The following RAE1 variants were observed in gnomAD, a reference collection of about 807,000 sequenced individuals.
RAE1 encodes mRNA export factor RAE1.
Under a neutral mutation model 52.7 loss-of-function variants are expected in RAE1, and 13 were observed. The observed-to-expected ratio is 0.25, with a 90% CI of 0.16 to 0.39. The LOEUF (loss-of-function observed/expected upper bound fraction) is 0.39, where lower values mean the gene tolerates loss of function less well. Ranked by LOEUF, RAE1 falls within the 10% of genes least tolerant of loss-of-function variation. The pLI is 1.00. For synonymous variants in RAE1, 164 were observed against 153.1 expected (o/e 1.07, Z -0.52); for missense variants, 262 against 459.8 (o/e 0.57, Z 3.93).
At chr20:57,374,927 C>T (rs1231332417) in intron 11 of RAE1, 126 bp downstream of exon 11, 2 of 1,055,022 alleles carry the variant, frequency 1.9e-6, no homozygotes, top group Admixed American at 1.9e-5. Flanking sequence ...GGTCACCGTC[C>T]CCTCCCTGTA....
chr20:57,377,914 T>TTTA, intron 11 of RAE1, 99 bp from the exon 12 acceptor site: 1 of 782,184 alleles, frequency 1.3e-6, no homozygotes, highest in South Asian at 1.9e-5. Context: ...GATTATATGT[T>TTTA]TCCAGTATTG....
chr20:57,354,921 T>C, intron 3 of RAE1, 105 bp downstream of exon 3: 1 of 804,838 alleles, frequency 1.2e-6, no homozygotes, highest in Non-Finnish European at 1.9e-6. Flanking sequence ...TTGGACTTAT[T>C]TATGGCCTTT....
chr20:57,365,510 A>G, intron 5 of RAE1, 68 bp downstream of exon 5: 17 of 1,081,562 alleles, frequency 1.6e-5, no homozygotes, highest in Non-Finnish European at 2.3e-5. Flanking sequence ...TCTTTAAGTG[A>G]AATAATTATT....
chr20:57,376,850 TGTA>T (rs1489699202), intron 11 of RAE1, among the ~76,000 whole-genome samples: 2 of 152,202 alleles, frequency 1.3e-5, no homozygotes. Flanking sequence ...CGTTAAAAAA[TGTA>T]GTAAATTGAA....
intron 3 of RAE1, among the ~76,000 whole-genome samples, chr20:57,355,232 AAAAG>A (rs1324615504): frequency 6.6e-6 from 1 of 152,160 alleles, no homozygotes; most frequent in Non-Finnish European, 1.5e-5. Context: ...ATCATGTACA[AAAAG>A]AAAGACAAAA....
chr20:57,362,686 G>A (rs2066906505), intron 4 of RAE1, among the ~76,000 whole-genome samples: 1 of 152,216 alleles, frequency 6.6e-6, no homozygotes, highest in African/African-American at 2.4e-5. Flanking sequence ...GGGGAGGCAG[G>A]ATGAACTGGT....
chr20:57,370,929 C>T (rs142133502), intron 8 of RAE1, among the ~76,000 whole-genome samples: 211 of 152,306 alleles, frequency 1.4e-3, no homozygotes, highest in Non-Finnish European at 2.6e-3. Context: ...TCCTGATGTG[C>T]TTCACAGCCC....
chr20:57,367,442 A>T (rs923771840), intron 7 of RAE1, among the ~76,000 whole-genome samples: 7 of 152,128 alleles, frequency 4.6e-5, no homozygotes, highest in Admixed American at 3.9e-4. Context: ...TCTGAGTGGG[A>T]TAGAAATTGA....
rs2066904352 is a variant in RAE1 at position 57,362,514 on chromosome 20, G to A, written c.289-2842G>A. 3.9e-5 allele frequency among the ~76,000 whole-genome samples: 6 copies of A among 152,344 alleles called. No individual in the cohort carries two copies. The South Asian group carries it at 1.2e-3, about 32-fold the overall frequency. ...CTGATCGGGCAACGGGTCAGAATTA[G>A]AAAGTTTCTTATAAAGTACGGCAAG... On this transcript the variant is annotated intron_variant, in intron 4 of 11. Coordinates refer to ENST00000395841, the MANE Select transcript of RAE1 (RefSeq NM_003610.4).
intron 5 of RAE1, among the ~76,000 whole-genome samples, chr20:57,365,961 C>CT (rs2146156891): frequency 1.3e-5 from 2 of 152,342 alleles, no homozygotes; most frequent in Non-Finnish European, 2.9e-5. Context: ...GATAAGAGAA[C>CT]TTAGAACCAG....
rs111656619 is a variant in RAE1, at chr20:57,366,984, C to G, written c.463-24C>G. 27 of 1,597,656 alleles carry G rather than the reference C, an allele frequency of 1.7e-5. No individual in the cohort carries two copies. The African/African-American group carries it at 1.9e-4, about 11-fold the overall frequency. On this transcript the variant is annotated intron_variant, in intron 6 of 11. Transcript: ENST00000395841. ...GACTTCTGCTCTGAATGGTCACATA[C>G]TGGCTTCTCTTTTTTGCTTTTAGTT...
At chr20:57,369,931 G>A (rs990050109) in intron 8 of RAE1, among the ~76,000 whole-genome samples, 1 of 152,094 alleles carries the variant, frequency 6.6e-6, no homozygotes, top group Non-Finnish European at 1.5e-5. Context: ...TCCTGCTAAG[G>A]CCAGTTTTGT....
chr20:57,359,120 A>G, intron 4 of RAE1: 1 of 1,004,972 alleles, frequency 1.0e-6, no homozygotes, highest in Non-Finnish European at 1.4e-6. Context: ...AATATATGTC[A>G]CTGGGCAGAT....
At chr20:57,366,726 C>G in intron 5 of RAE1, 81 bp from the exon 6 acceptor site, 1 of 1,317,362 alleles carries the variant, frequency 7.6e-7, no homozygotes, top group Non-Finnish European at 1.1e-6. Flanking sequence ...TTAGTTTCTT[C>G]CCTTTGAATT....
In RAE1 at chr20:57,354,083, C is replaced by T; in HGVS notation, c.45C>T (p.Thr15=). Residue 15 remains threonine (T), a synonymous_variant, in exon 2 of 12, where the codon ACC becomes ACT. Coordinates refer to ENST00000395841, the MANE Select transcript of RAE1 (RefSeq NM_003610.4). ...CCTCAGGTTTTGGAACCAGTGGGACCAGCATGTTTGGCAGTGCAACTACAG... is the reference window on the plus strand; with the variant it reads ...CCTCAGGTTTTGGAACCAGTGGGACTAGCATGTTTGGCAGTGCAACTACAG... The part of the protein sequence containing the change: ...GTTSGFGTSG[T]SMFGSATTDN... 1 of 1,614,004 alleles carries T rather than the reference C, an allele frequency of 6.2e-7. No homozygotes were observed. Among genetic ancestry groups the T allele is most frequent in the Non-Finnish European group, 8.5e-7 (1 of 1,179,926 alleles).
intron 3 of RAE1, 51 bp downstream of exon 3, chr20:57,354,867 C>A (rs1452806251): frequency 1.4e-6 from 2 of 1,379,552 alleles, no homozygotes; most frequent in Admixed American, 4.4e-5. Flanking sequence ...TTTGTATGGC[C>A]AAGGTTAGCT....
Position 57,374,738 on chromosome 20 carries a change from A to T in RAE1, c.957A>T (p.Ser319=), listed in dbSNP as rs556785082. Residue 319 remains serine (S), a synonymous_variant, in exon 11 of 12, where the codon TCA becomes TCT. Transcript: ENST00000395841. ...KTSEQLDQPI[S]ACCFNHNGNI... ...CGGAACAGTTAGATCAGCCCATCTC[A>T]GCTTGCTGTTTCAATCACAATGGAA... 5.0e-6 allele frequency: 8 copies of T among 1,614,206 alleles called. No individual in the cohort carries two copies. In the East Asian group the frequency reaches 1.6e-4, roughly 31 times the overall value.
Position 57,378,166 on chromosome 20 carries a change from G to A in RAE1, c.*67G>A. ...TCTGCCTCATCTCTGTACGAATTTGGGTCCCAGCCTTGTTGGGTTGTCAGC... is the reference window on the plus strand; with the variant it reads ...TCTGCCTCATCTCTGTACGAATTTGAGTCCCAGCCTTGTTGGGTTGTCAGC... On this transcript the variant is annotated 3_prime_UTR_variant, in exon 12 of 12. Transcript: ENST00000395841. 7.7e-7 allele frequency: 1 copy of A among 1,306,294 alleles called. No individual in the cohort carries two copies. Among genetic ancestry groups the A allele is most frequent in the Non-Finnish European group, 1.1e-6 (1 of 941,424 alleles). The allele number at this position is 1,306,294 out of a possible 1,614,324, so 80.9% of individuals were successfully genotyped here.
chr20:57,368,045 G>C (rs568543433), intron 7 of RAE1, among the ~76,000 whole-genome samples: 15 of 152,194 alleles, frequency 9.9e-5, no homozygotes, highest in African/African-American at 3.6e-4. Context: ...TGTGCCACCA[G>C]GCCCAGCTAA....
Sources: gnomAD v4.1 joint callset for allele counts (sites outside exome capture counted in the v4.1 genomes callset) on GRCh38, gnomAD v4.1.1 for gene constraint, MANE v1.5 for transcripts, NCBI Gene and HGNC (gene_info 2026-07-23, HGNC 2026-07-21) for gene names.